The following HMOX1 variants were observed in gnomAD, a reference collection of about 807,000 sequenced individuals.
The protein encoded by HMOX1 is heme oxygenase 1.
Under a neutral mutation model 27.8 loss-of-function variants are expected in HMOX1, and 22 were observed. That is an observed-to-expected ratio of 0.79 (90% CI 0.57 to 1.13). The LOEUF is 1.13. Ranked by LOEUF, HMOX1 falls within the 50% of genes most tolerant of loss-of-function variation. HMOX1 has a pLI of 0.00. For missense variants in HMOX1, 379 were observed against 377.7 expected (o/e 1.00, Z -0.03); for synonymous variants, 153 against 151.6 (o/e 1.01, Z -0.07).
intron 3 of HMOX1, among the ~76,000 whole-genome samples, chr22:35,389,383 C>CCTTT (rs1569057547): frequency 1.5e-3 from 90 of 58,348 alleles, no homozygotes; most frequent in East Asian, 2.5e-3. Context: ...TTCCTTCCTT[C>CCTTT]CTTCCTTCCT....
In HMOX1 at chr22:35,386,897, C is replaced by T. The variant is rs541298817; in HGVS notation, c.357C>T (p.His119=). The change falls in exon 3 of 5, where the codon CAC becomes CAT. Residue 119 remains histidine (H), a synonymous_variant. Coordinates refer to ENST00000216117, the MANE Select transcript of HMOX1 (RefSeq NM_002133.3). ...PAMQRYVKRL[H]EVGRTEPELL... Reference sequence around the variant, plus strand: ...TGCAGCGCTATGTGAAGCGGCTCCACGAGGTGGGGCGCACAGAGCCCGAGC... The same window carrying T: ...TGCAGCGCTATGTGAAGCGGCTCCATGAGGTGGGGCGCACAGAGCCCGAGC... 8.8e-5 allele frequency: 142 copies of T among 1,614,058 alleles called. 2 individuals are homozygous for T. In the South Asian group the frequency reaches 1.0e-3, roughly 12 times the overall value.
chr22:35,389,223 TTCTTTC>T (rs796212244), intron 3 of HMOX1, among the ~76,000 whole-genome samples: 8 of 127,488 alleles, frequency 6.3e-5, no homozygotes, highest in Non-Finnish European at 8.2e-5. Context: ...CTCTCTTTCT[TTCTTTC>T]TTTCTTTCTT....
rs188250987 is a variant in HMOX1 at position 35,381,963 on chromosome 22, C to A, written c.23+767C>A. 1.3e-3 allele frequency among the ~76,000 whole-genome samples: 204 copies of A among 152,252 alleles called. 1 individual carries two copies. Among genetic ancestry groups the A allele is most frequent in the African/African-American group, 4.7e-3 (195 of 41,544 alleles). ...GGGATACGGACCCATGACAGAAATA[C>A]TCCCAGAAAGACTTTTTCTTTGACT... On this transcript the variant is annotated intron_variant, in intron 1 of 4. Coordinates refer to ENST00000216117, the MANE Select transcript of HMOX1 (RefSeq NM_002133.3).
chr22:35,393,804 T>G lies in HMOX1; in HGVS notation c.*206T>G. 1 of 638,274 alleles carries G rather than the reference T, an allele frequency of 1.6e-6. No individual in the cohort carries two copies. Among genetic ancestry groups the G allele is most frequent in the Middle Eastern group, 4.2e-4 (1 of 2,374 alleles). 39.5% of individuals were successfully genotyped at this position (638,274 alleles called of 1,614,324 possible). ...CGAAAAGCACATCCAGGCAATGGCC[T>G]AAACTTCAGAGGGGGCGAAGGGATC... is the stretch of plus-strand genomic sequence containing the variant. On this transcript the variant is annotated 3_prime_UTR_variant, in exon 5 of 5. Coordinates refer to ENST00000216117, the MANE Select transcript of HMOX1 (RefSeq NM_002133.3).
intron 4 of HMOX1, among the ~76,000 whole-genome samples, chr22:35,391,594 T>A (rs1187025225): frequency 3.8e-5 from 5 of 131,638 alleles, no homozygotes; most frequent in African/African-American, 1.2e-4. Flanking sequence ...GCCTTTTTTT[T>A]TTTTTTTTTT....
intron 3 of HMOX1, among the ~76,000 whole-genome samples, chr22:35,389,296 CT>C (rs140256954): frequency 8.4e-5 from 7 of 83,276 alleles, no homozygotes; most frequent in South Asian, 4.3e-4. Context: ...TCTCTTCTTT[CT>C]TCTTTCTTTC....
chr22:35,389,779 C>A, intron 3 of HMOX1, 85 bp from the exon 4 acceptor site: 1 of 924,314 alleles, frequency 1.1e-6, no homozygotes. Flanking sequence ...CAAAGTATTT[C>A]CTAACACAAC....
intron 3 of HMOX1, among the ~76,000 whole-genome samples, chr22:35,388,861 A>G (rs928657517): frequency 1.3e-5 from 2 of 152,146 alleles, no homozygotes; most frequent in Non-Finnish European, 2.9e-5. Context: ...GTCCTTGGGC[A>G]AAGCACTTAA....
intron 3 of HMOX1, among the ~76,000 whole-genome samples, chr22:35,389,195 TTC>T (rs1199524801): frequency 1.6e-5 from 2 of 125,174 alleles, no homozygotes; most frequent in Admixed American, 1.5e-4. Flanking sequence ...TGAATTTTCT[TTC>T]TTTCTTTCTT....
chr22:35,386,593 G>T, intron 2 of HMOX1, 92 bp from the exon 3 acceptor site: 1 of 1,524,276 alleles, frequency 6.6e-7, no homozygotes, highest in East Asian at 2.3e-5. Context: ...GCGAAGTGAG[G>T]AGGGCCTTTC....
In HMOX1 at chr22:35,383,227, G is replaced by T; in HGVS notation, c.144+1G>T. The T allele has an allele frequency of 6.2e-7, 1 of 1,613,398 alleles. No homozygotes were observed. The highest frequency in any genetic ancestry group is 8.5e-7 in the Non-Finnish European group (1 of 1,179,488). On this transcript the variant is annotated splice_donor_variant, in intron 2 of 4. Coordinates refer to ENST00000216117, the MANE Select transcript of HMOX1 (RefSeq NM_002133.3). LOFTEE classifies it high-confidence loss of function. ...CCAGGTGACCCGAGACGGCTTCAAG[G>T]TATGTGGCTTGGTGGGACTAGCCCT...
At chr22:35,388,714 G>C (rs930778204) in intron 3 of HMOX1, among the ~76,000 whole-genome samples, 3 of 151,548 alleles carry the variant, frequency 2.0e-5, no homozygotes, top group Admixed American at 6.6e-5. Context: ...GGAGAATGGC[G>C]TGAACCCGGG....
chr22:35,381,156 G>C lies in HMOX1; in HGVS notation c.-18G>C. ...CGCCGCCCGCGGAGCCAGCACGAACGAGCCCAGCACCGGCCGGATGGAGCG... is the reference window on the plus strand; with the variant it reads ...CGCCGCCCGCGGAGCCAGCACGAACCAGCCCAGCACCGGCCGGATGGAGCG... On this transcript the variant is annotated 5_prime_UTR_variant, in exon 1 of 5. Transcript: ENST00000216117. 1 of 1,541,938 alleles carries C rather than the reference G, an allele frequency of 6.5e-7. No homozygotes were observed. The highest frequency in any genetic ancestry group is 8.7e-7 in the Non-Finnish European group (1 of 1,149,836).
intron 4 of HMOX1, among the ~76,000 whole-genome samples, chr22:35,390,575 G>A (rs1446938906): frequency 1.3e-5 from 2 of 152,104 alleles, no homozygotes; most frequent in East Asian, 3.9e-4. Context: ...AAAAGGACCT[G>A]GGGTCAACCT....
At chr22:35,386,338 T>C (rs1372604466) in intron 2 of HMOX1, among the ~76,000 whole-genome samples, 1 of 152,072 alleles carries the variant, frequency 6.6e-6, no homozygotes, top group African/African-American at 2.4e-5. Flanking sequence ...GACTCCTGGC[T>C]TTAAGCAATC....
At chr22:35,383,675 C>T (rs928247912) in intron 2 of HMOX1, among the ~76,000 whole-genome samples, 4 of 152,160 alleles carry the variant, frequency 2.6e-5, no homozygotes, top group African/African-American at 9.7e-5. Context: ...TGATCTAACT[C>T]GAATTTGCCT....
rs759140880 is a variant in HMOX1, at chr22:35,386,693, G to A, written c.153G>A (p.Met51Ile). Residue 51 changes from methionine (M) to isoleucine (I), a missense_variant, in exon 3 of 5, where the codon ATG (methionine) becomes ATA (isoleucine). Met to Ile is a conservative substitution (Grantham distance 10, BLOSUM62 1). Coordinates refer to ENST00000216117, the MANE Select transcript of HMOX1 (RefSeq NM_002133.3). The part of the protein sequence containing the change: ...QVTRDGFKLV[M>I]ASLYHIYVAL... ...GCTCACTCTGCTTTCAGCTGGTGATGGCCTCCCTGTACCACATCTATGTGG... is the reference window on the plus strand; with the variant it reads ...GCTCACTCTGCTTTCAGCTGGTGATAGCCTCCCTGTACCACATCTATGTGG... 5.6e-6 allele frequency: 9 copies of A among 1,614,130 alleles called. No homozygotes were observed. The South Asian group carries it at 9.9e-5, about 18-fold the overall frequency.
rs572332921 is a variant in HMOX1 at position 35,385,122 on chromosome 22, C to G, written c.145-1563C>G. Reference sequence around the variant, plus strand: ...TGTAACGGGAGTTAGTGCCCCAAGCCAAGGTACACTCAAGACCTGTTGCCT... The same window carrying G: ...TGTAACGGGAGTTAGTGCCCCAAGCGAAGGTACACTCAAGACCTGTTGCCT... On this transcript the variant is annotated intron_variant, in intron 2 of 4. Transcript: ENST00000216117. 2.6e-5 allele frequency among the ~76,000 whole-genome samples: 4 copies of G among 152,238 alleles called. No individual in the cohort carries two copies. The East Asian group carries it at 7.7e-4, about 29-fold the overall frequency.
In HMOX1 at chr22:35,383,226, G is replaced by A. The variant is rs760447629; in HGVS notation, c.144G>A (p.Lys48=). 16 of 1,613,250 alleles carry A rather than the reference G, an allele frequency of 9.9e-6. No homozygotes were observed. The highest frequency in any genetic ancestry group is 1.3e-5 in the African/African-American group (1 of 74,930). The change falls in exon 2 of 5, where the codon AAG becomes AAA. Residue 48 remains lysine, a splice_region_variant and synonymous_variant. Coordinates refer to ENST00000216117, the MANE Select transcript of HMOX1 (RefSeq NM_002133.3). The part of the protein sequence containing the change: ...QKGQVTRDGF[K]LVMASLYHIY... The stretch of plus-strand genomic sequence containing the variant: ...GCCAGGTGACCCGAGACGGCTTCAA[G>A]GTATGTGGCTTGGTGGGACTAGCCC...
Sources: gnomAD v4.1 joint callset for allele counts (sites outside exome capture counted in the v4.1 genomes callset) on GRCh38, gnomAD v4.1.1 for gene constraint, MANE v1.5 for transcripts, NCBI Gene and HGNC (gene_info 2026-07-23, HGNC 2026-07-21) for gene names.